Variants in CDH4 observed in about 807,000 individuals in gnomAD.
The protein encoded by CDH4 is cadherin-4.
Under a neutral mutation model 86.0 loss-of-function variants are expected in CDH4, and 33 were observed. That is an observed-to-expected ratio of 0.38 (90% CI 0.29 to 0.51). The LOEUF is 0.51. Ranked by LOEUF, CDH4 falls within the 20% of genes least tolerant of loss-of-function variation. The probability of loss-of-function intolerance (pLI) is 0.86; values close to 1 mark genes in which losing one functional copy is unlikely to be tolerated. For missense variants in CDH4, 1,114 were observed against 1,307.4 expected (o/e 0.85, Z 2.28); for synonymous variants, 555 against 549.4 (o/e 1.01, Z -0.14).
intron 2 of CDH4, among the ~76,000 whole-genome samples, chr20:61,644,641 G>A (rs547989039): frequency 2.4e-4 from 37 of 152,168 alleles, no homozygotes; most frequent in Non-Finnish European, 4.0e-4. Context: ...GGCCCCACCC[G>A]CTGCCTCCAC....
chr20:61,924,953 GCCCAGC>G (rs1324178490), intron 11 of CDH4, among the ~76,000 whole-genome samples: 1 of 152,196 alleles, frequency 6.6e-6, no homozygotes, highest in East Asian at 1.9e-4. Context: ...TGCGGGGAAG[GCCCAGC>G]CCCACTGGTC....
chr20:61,557,359 A>T (rs2086185424), intron 2 of CDH4, among the ~76,000 whole-genome samples: 1 of 152,342 alleles, frequency 6.6e-6, no homozygotes. Flanking sequence ...GGTCCCCTGC[A>T]GCTGAGAGCC....
intron 6 of CDH4, among the ~76,000 whole-genome samples, chr20:61,862,422 G>A (rs1018053896): frequency 6.6e-6 from 1 of 152,206 alleles, no homozygotes; most frequent in Non-Finnish European, 1.5e-5. Flanking sequence ...AGGAGTCCAT[G>A]AGGACCTCCT....
chr20:61,705,837 C>T (rs1374840914), intron 2 of CDH4, among the ~76,000 whole-genome samples: 1 of 152,258 alleles, frequency 6.6e-6, no homozygotes, highest in African/African-American at 2.4e-5. Context: ...CTCTTCTGCA[C>T]ACATTTGTGT....
rs115217987 is a variant in CDH4 at position 61,680,907 on chromosome 20, C to G, written c.170-62656C>G. 8.7e-3 allele frequency among the ~76,000 whole-genome samples: 1,325 copies of G among 152,282 alleles called. 23 individuals carry two copies. The highest frequency in any genetic ancestry group is 0.031 in the African/African-American group (1,274 of 41,550). The stretch of plus-strand genomic sequence containing the variant: ...GGTGGCCGCCTGTCTCCAGGATGCA[C>G]CATTTCTTCCCTAGAGACACAGCAG... On this transcript the variant is annotated intron_variant, in intron 2 of 15. Transcript: ENST00000614565.
At chr20:61,757,527 C>T (rs1460678801) in intron 3 of CDH4, among the ~76,000 whole-genome samples, 2 of 152,230 alleles carry the variant, frequency 1.3e-5, no homozygotes, top group African/African-American at 2.4e-5. Flanking sequence ...GGGGCGGCCC[C>T]AGACTCCCCA....
chr20:61,442,362 A>G (rs543670319), intron 2 of CDH4, among the ~76,000 whole-genome samples: 1 of 152,352 alleles, frequency 6.6e-6, no homozygotes, highest in African/African-American at 2.4e-5. Flanking sequence ...TTTTTAAACA[A>G]ACATCATTAT....
chr20:61,916,887 G>C (rs1342634674), intron 9 of CDH4, among the ~76,000 whole-genome samples: 2 of 152,234 alleles, frequency 1.3e-5, no homozygotes, highest in East Asian at 3.8e-4. Context: ...CCCCCAGGTG[G>C]TGGTAAGTGG....
intron 2 of CDH4, among the ~76,000 whole-genome samples, chr20:61,651,505 G>A (rs916276075): frequency 2.0e-5 from 3 of 152,258 alleles, no homozygotes; most frequent in South Asian, 2.1e-4. Flanking sequence ...TCCTAGGTGC[G>A]GTCAGCCCCC....
chr20:61,499,459 C>T (rs1273692985), intron 2 of CDH4: 3 of 1,288,994 alleles, frequency 2.3e-6, no homozygotes, highest in Non-Finnish European at 3.0e-6. Context: ...TGACTTCATT[C>T]TCAGCGCCTC....
intron 15 of CDH4, among the ~76,000 whole-genome samples, chr20:61,935,747 C>T (rs2055175870): frequency 6.6e-6 from 1 of 152,168 alleles, no homozygotes; most frequent in Non-Finnish European, 1.5e-5. Flanking sequence ...ATTAGCTGGG[C>T]ATGGTGGCGG....
At chr20:61,756,808 T>G (rs1457020538) in intron 3 of CDH4, among the ~76,000 whole-genome samples, 1 of 151,936 alleles carries the variant, frequency 6.6e-6, no homozygotes, top group East Asian at 1.9e-4. Context: ...ATCAGGGCAG[T>G]GAGGGGATGG....
At chr20:61,767,342 C>T (rs1396907812) in intron 3 of CDH4, among the ~76,000 whole-genome samples, 1 of 152,242 alleles carries the variant, frequency 6.6e-6, no homozygotes, top group East Asian at 1.9e-4. Context: ...GCTGCCCCCA[C>T]CGGGGCTGTG....
intron 2 of CDH4, among the ~76,000 whole-genome samples, chr20:61,381,184 G>A (rs117391709): frequency 4.8e-3 from 726 of 152,270 alleles, no homozygotes; most frequent in Non-Finnish European, 8.2e-3. Flanking sequence ...TCCTTAATGC[G>A]TCTTCCAAAG....
chr20:61,903,449 G>A (rs1041567243), intron 8 of CDH4, among the ~76,000 whole-genome samples: 4 of 146,062 alleles, frequency 2.7e-5, no homozygotes, highest in Admixed American at 1.4e-4. Context: ...CGAGGCTGAG[G>A]CAGAAGAATT....
chr20:61,567,499 A>G lies in CDH4; in HGVS notation c.170-176064A>G, dbSNP rs117437718. Among the ~76,000 whole-genome samples the G allele has an allele frequency of 7.0e-4, 107 of 152,260 alleles. 1 individual carries two copies. In the East Asian group the frequency reaches 0.019, roughly 26 times the overall value. On this transcript the variant is annotated intron_variant, in intron 2 of 15. Transcript: ENST00000614565. ...TTTTATAATGTAATTAACCCCATTCAGGAGGGCTCCACCCTGGGCCCCTTC... is the reference window on the plus strand; with the variant it reads ...TTTTATAATGTAATTAACCCCATTCGGGAGGGCTCCACCCTGGGCCCCTTC...
At chr20:61,619,726 G>A (rs1418899641) in intron 2 of CDH4, among the ~76,000 whole-genome samples, 1 of 152,232 alleles carries the variant, frequency 6.6e-6, no homozygotes, top group Admixed American at 6.5e-5. Context: ...CGTGAGCGCT[G>A]TTGGACGGGG....
chr20:61,386,796 GA>G (rs2084953710), intron 2 of CDH4, among the ~76,000 whole-genome samples: 1 of 152,244 alleles, frequency 6.6e-6, no homozygotes, highest in African/African-American at 2.4e-5. Context: ...GTGCCTTCAG[GA>G]AACAGAGAGA....
At chr20:61,571,193 T>C (rs1203382061) in intron 2 of CDH4, among the ~76,000 whole-genome samples, 2 of 152,170 alleles carry the variant, frequency 1.3e-5, no homozygotes, top group Non-Finnish European at 2.9e-5. Flanking sequence ...TGAGGATGCA[T>C]TGGTCTTTTG....
Sources: gnomAD v4.1 joint callset for allele counts (sites outside exome capture counted in the v4.1 genomes callset) on GRCh38, gnomAD v4.1.1 for gene constraint, MANE v1.5 for transcripts, NCBI Gene and HGNC (gene_info 2026-07-23, HGNC 2026-07-21) for gene names.